Variants in LINGO1 observed in about 807,000 individuals in gnomAD.
LINGO1 encodes leucine rich repeat and Ig domain containing 1.
A neutral mutation model predicts 37.3 loss-of-function variants in LINGO1; 11 were observed. The ratio of observed to expected loss-of-function variants is 0.29; its 90% CI spans 0.19 to 0.49. LINGO1 has a LOEUF of 0.49. Among genes scored for constraint, LINGO1 ranks in the 20% least tolerant of loss-of-function variants. The probability of loss-of-function intolerance (pLI) is 0.99; values close to 1 mark genes in which losing one functional copy is unlikely to be tolerated. For missense variants in LINGO1, 585 were observed against 878.2 expected (o/e 0.67, Z 4.22); for synonymous variants, 387 against 403.0 (o/e 0.96, Z 0.48).
At position 77,632,563 on chromosome 15, in the gene LINGO1, G is replaced by C; in HGVS notation, c.-248C>G. The C allele has an allele frequency of 5.0e-6, 1 of 201,216 alleles. No homozygotes were observed. Among genetic ancestry groups the C allele is most frequent in the Non-Finnish European group, 9.7e-6 (1 of 102,700 alleles). The allele number at this position is 201,216 out of a possible 1,614,324, so 12.5% of individuals were successfully genotyped here. ...GCGGGAGGCCGCGGCCCCGGCGGGC[G>C]GATGGGCGGGCGCGCTCAGGCCGCG... On this transcript the variant is annotated 5_prime_UTR_variant, in exon 1 of 2. Coordinates refer to ENST00000355300, the MANE Select transcript of LINGO1 (RefSeq NM_032808.7). The surrounding 1 kb of genome is among the most constrained non-coding windows in gnomAD (Gnocchi z 6.0).
intron 2 of LINGO1, among the ~76,000 whole-genome samples, chr15:77,728,211 G>T (rs2076121606): frequency 6.6e-6 from 1 of 152,200 alleles, no homozygotes; most frequent in African/African-American, 2.4e-5. Context: ...CCAGGTGCAG[G>T]CATTTTAGGC....
chr15:77,718,706 C>T (rs375035454), intron 2 of LINGO1, among the ~76,000 whole-genome samples: 3 of 150,790 alleles, frequency 2.0e-5, no homozygotes, highest in Admixed American at 6.6e-5. Context: ...TTAGTCACAA[C>T]TGCGTGGCCT....
chr15:77,701,537 ATG>A (rs1403364156), intron 2 of LINGO1, among the ~76,000 whole-genome samples: 2 of 152,128 alleles, frequency 1.3e-5, no homozygotes, highest in African/African-American at 4.8e-5. Flanking sequence ...GCATGCTGAA[ATG>A]TGACCTCCTG....
Position 77,614,811 on chromosome 15 carries a change from G to A in LINGO1, c.1096C>T (p.Leu366=), listed in dbSNP as rs777281883. ...TCGCAGGCCAGCGGGTTGGAGTCCA[G>A]GATGAGTGTCTCCAGGTTGCCCACC... The part of the protein sequence containing the change: ...HSVGNLETLI[L]DSNPLACDCR... The change falls in exon 2 of 2, where the codon CTG becomes TTG. Residue 366 remains leucine (L), a synonymous_variant. Coordinates refer to ENST00000355300, the MANE Select transcript of LINGO1 (RefSeq NM_032808.7). The A allele has an allele frequency of 3.1e-6, 5 of 1,611,514 alleles. No individual in the cohort carries two copies. The East Asian group carries it at 6.7e-5, about 22-fold the overall frequency.
At chr15:77,819,112 G>A (rs1221516756) in intron 1 of LINGO1, among the ~76,000 whole-genome samples, 2 of 149,968 alleles carry the variant, frequency 1.3e-5, no homozygotes, top group Non-Finnish European at 1.5e-5. Flanking sequence ...GCCCCCCACG[G>A]ACGCGCACCC....
chr15:77,772,784 C>A (rs543448433), intron 1 of LINGO1, among the ~76,000 whole-genome samples: 1 of 152,306 alleles, frequency 6.6e-6, no homozygotes, highest in East Asian at 1.9e-4. Context: ...TCTTTCCCCC[C>A]ACCTCCAGCT....
At chr15:77,673,543 T>C (rs924091196) in intron 3 of LINGO1, among the ~76,000 whole-genome samples, 8 of 152,208 alleles carry the variant, frequency 5.3e-5, no homozygotes, top group Admixed American at 6.5e-5. Flanking sequence ...AGGACATACA[T>C]GCCTGGTTCC....
intron 3 of LINGO1, among the ~76,000 whole-genome samples, chr15:77,663,437 C>T (rs2075042468): frequency 6.6e-6 from 1 of 152,210 alleles, no homozygotes; most frequent in South Asian, 2.1e-4. Flanking sequence ...CCTGAGCTCA[C>T]TGGTGGGGTA....
chr15:77,778,366 A>T (rs1449636788), intron 1 of LINGO1, among the ~76,000 whole-genome samples: 1 of 152,200 alleles, frequency 6.6e-6, no homozygotes, highest in African/African-American at 2.4e-5. Context: ...CGTAAGGTAG[A>T]TTTCACAGGT....
At chr15:77,670,231 G>T (rs572853688) in intron 3 of LINGO1, among the ~76,000 whole-genome samples, 5 of 152,312 alleles carry the variant, frequency 3.3e-5, no homozygotes, top group African/African-American at 7.2e-5. Flanking sequence ...AAGGGTACAG[G>T]GTTTCCTTTC....
At chr15:77,757,673 G>GT (rs151173688) in intron 1 of LINGO1, among the ~76,000 whole-genome samples, 26,416 of 152,238 alleles carry the variant, frequency 0.17, 2,708 homozygotes, top group Middle Eastern at 0.24. Flanking sequence ...AGGAGACTGG[G>GT]TGCGGGGACA....
chr15:77,616,322 C>CA (rs2073719346), intron 1 of LINGO1, among the ~76,000 whole-genome samples: 1 of 152,168 alleles, frequency 6.6e-6, no homozygotes, highest in Non-Finnish European at 1.5e-5. Context: ...CAAAGGGGCT[C>CA]AAGGGCTGAG....
At chr15:77,666,373 A>G (rs1212242343) in intron 3 of LINGO1, among the ~76,000 whole-genome samples, 1 of 152,202 alleles carries the variant, frequency 6.6e-6, no homozygotes, top group African/African-American at 2.4e-5. Context: ...ATCAGAGAAC[A>G]TGGGAGGGAG....
chr15:77,631,710 GC>G (rs1372063184), intron 1 of LINGO1, among the ~76,000 whole-genome samples: 10 of 152,230 alleles, frequency 6.6e-5, no homozygotes, highest in African/African-American at 2.4e-4. Flanking sequence ...CAAAGGGGAG[GC>G]CCCTAAAGCG....
chr15:77,776,012 G>A (rs1596216831), intron 1 of LINGO1, among the ~76,000 whole-genome samples: 1 of 152,010 alleles, frequency 6.6e-6, no homozygotes, highest in Non-Finnish European at 1.5e-5. Context: ...CCTCGTCACC[G>A]CCTCCATGGA....
In LINGO1 at chr15:77,754,895, T is replaced by A. The variant is rs2076405047; in HGVS notation, c.-256-19842A>T. Among the ~76,000 whole-genome samples the A allele has an allele frequency of 2.6e-5, 4 of 152,264 alleles. No individual in the cohort carries two copies. In the South Asian group the frequency reaches 8.3e-4, roughly 31 times the overall value. On this transcript the variant is annotated intron_variant, in intron 1 of 3. Coordinates refer to the LINGO1 transcript ENST00000561686. ...AGGCTTCCACGAAACTCAATGTCTT[T>A]GCCTATAAGATGGGGCCTGGTGGTC...
chr15:77,737,444 AGGGAGGAAG>A (rs1295325409), intron 1 of LINGO1, among the ~76,000 whole-genome samples: 1 of 151,916 alleles, frequency 6.6e-6, no homozygotes, highest in Non-Finnish European at 1.5e-5. Flanking sequence ...GAGGAAGGAG[AGGGAGGAAG>A]GGGAGGAAGG....
intron 2 of LINGO1, among the ~76,000 whole-genome samples, chr15:77,713,582 G>A (rs542708584): frequency 7.6e-4 from 115 of 151,962 alleles, no homozygotes; most frequent in Middle Eastern, 3.4e-3. Context: ...CCATTGTGGC[G>A]CTGGATACAC....
intron 1 of LINGO1, among the ~76,000 whole-genome samples, chr15:77,621,822 G>C (rs1472515876): frequency 6.6e-6 from 1 of 152,270 alleles, no homozygotes; most frequent in African/African-American, 2.4e-5. Flanking sequence ...TGAAGCACAG[G>C]ATGGCAAGTT....
Sources: allele counts gnomAD v4.1 joint callset (sites outside exome capture counted in the v4.1 genomes callset), GRCh38; gene constraint gnomAD v4.1.1; non-coding constraint Gnocchi (gnomAD v3.1); transcripts MANE v1.5; gene names NCBI Gene and HGNC (gene_info 2026-07-23, HGNC 2026-07-21).